JAKMIP3: variants seen among roughly 807,000 people sequenced by gnomAD.
JAKMIP3 encodes the protein Janus kinase and microtubule interacting protein 3, also known as janus kinase and microtubule-interacting protein 3.
In JAKMIP3, 58 loss-of-function variants were observed where a neutral mutation model predicts 118.5. The observed-to-expected ratio is 0.49, with a 90% CI of 0.40 to 0.61. JAKMIP3 has a LOEUF of 0.61. JAKMIP3 is among the 20% of genes least tolerant of loss of function. JAKMIP3 has a pLI of 0.00. For missense variants in JAKMIP3, 950 were observed against 1,109.0 expected (o/e 0.86, Z 2.04); for synonymous variants, 486 against 451.2 (o/e 1.08, Z -0.98).
chr10:132,149,162 G>A (rs568307709), intron 14 of JAKMIP3, among the ~76,000 whole-genome samples: 5 of 152,236 alleles, frequency 3.3e-5, no homozygotes, highest in South Asian at 4.1e-4. Flanking sequence ...CCCAGGCCAC[G>A]TGGCCAGAGT....
chr10:132,036,752 G>A (rs2037510804), intron 1 of JAKMIP3, among the ~76,000 whole-genome samples: 1 of 151,112 alleles, frequency 6.6e-6, no homozygotes. Context: ...AGCAGCGGCC[G>A]GGGTGGGGCC....
rs1325845503 is a variant in JAKMIP3 at position 132,180,603 on chromosome 10, G to A, written c.*1104-1754G>A. On this transcript the variant is annotated intron_variant, in intron 23 of 23. Transcript: ENST00000684848. ...TGCGTGCGCGTGTGTGTGTGCGTGC[G>A]CGTGTGTGTGTGCGTGTGTGTGCGT... Among the ~76,000 whole-genome samples, 239 of 42,414 alleles carry A rather than the reference G, an allele frequency of 5.6e-3. 72 individuals are homozygous for A. The highest frequency in any genetic ancestry group is 7.9e-3 in the Non-Finnish European group (184 of 23,212). 27.8% of individuals were successfully genotyped at this position (42,414 alleles called of 152,430 possible).
intron 14 of JAKMIP3, among the ~76,000 whole-genome samples, chr10:132,148,622 A>G (rs2136103767): frequency 6.6e-6 from 1 of 152,340 alleles, no homozygotes; most frequent in East Asian, 1.9e-4. Context: ...GAGTGAGGAC[A>G]GTGGGGGCCA....
chr10:132,048,477 C>T (rs2037996115), intron 1 of JAKMIP3, among the ~76,000 whole-genome samples: 1 of 152,144 alleles, frequency 6.6e-6, no homozygotes, highest in African/African-American at 2.4e-5. Flanking sequence ...ATTCCATGGG[C>T]TAAAATCCGG....
At chr10:132,138,069 C>T (rs373811338) in intron 8 of JAKMIP3, 50 bp from the exon 9 acceptor site, 32 of 1,539,606 alleles carry the variant, frequency 2.1e-5, no homozygotes, top group African/African-American at 5.4e-5. Flanking sequence ...GGACTGAAAC[C>T]GGTGGAGCTG....
At chr10:132,109,016 T>TACATATACAC (rs71013508) in intron 2 of JAKMIP3, among the ~76,000 whole-genome samples, 25 of 148,768 alleles carry the variant, frequency 1.7e-4, no homozygotes, top group African/African-American at 5.2e-4. Context: ...AATGTATATA[T>TACATATACAC]GTATACAAAT....
intron 23 of JAKMIP3, among the ~76,000 whole-genome samples, chr10:132,177,891 G>A (rs1248190112): frequency 1.3e-5 from 2 of 148,654 alleles, no homozygotes; most frequent in African/African-American, 2.5e-5. Context: ...CCTGGGTAGT[G>A]CGTGTGTGTG....
At chr10:132,101,491 C>T (rs987369414) in intron 1 of JAKMIP3, among the ~76,000 whole-genome samples, 3 of 152,216 alleles carry the variant, frequency 2.0e-5, no homozygotes, top group African/African-American at 7.2e-5. Flanking sequence ...AACAGATTCT[C>T]TTTCAAAAAA....
rs759673925 is a variant in JAKMIP3, at chr10:132,104,862, C to T, written c.54C>T (p.Leu18=). 7 of 1,559,616 alleles carry T rather than the reference C, an allele frequency of 4.5e-6. No homozygotes were observed. The highest frequency in any genetic ancestry group is 1.7e-4 in the Middle Eastern group (1 of 5,984). The change falls in exon 2 of 24, where the codon CTC becomes CTT. Residue 18 remains leucine (L), a synonymous_variant. Coordinates refer to ENST00000684848, the MANE Select transcript of JAKMIP3 (RefSeq NM_001323087.2). ...SRAKGDKAEA[L]AALQAANEDL... is the part of the protein sequence containing the mutation. Reference sequence around the variant, plus strand: ...CCAAGGGGGACAAGGCAGAGGCCCTCGCGGCGCTGCAGGCGGCCAACGAGG... The same window carrying T: ...CCAAGGGGGACAAGGCAGAGGCCCTTGCGGCGCTGCAGGCGGCCAACGAGG...
intron 17 of JAKMIP3, 88 bp downstream of exon 17, chr10:132,153,111 G>A: frequency 8.7e-7 from 1 of 1,144,520 alleles, no homozygotes; most frequent in South Asian, 1.3e-5. Context: ...ATCTCGGGAG[G>A]AGGGCCTGCA....
chr10:132,085,890 G>A (rs1335191525), intron 1 of JAKMIP3, among the ~76,000 whole-genome samples: 1 of 151,914 alleles, frequency 6.6e-6, no homozygotes, highest in Non-Finnish European at 1.5e-5. Flanking sequence ...ACTGATCTTG[G>A]TTATTTCCTT....
At position 132,118,751 on chromosome 10, in the gene JAKMIP3, G is replaced by A. The variant is rs903522039; in HGVS notation, c.633+1177G>A. 3.3e-5 allele frequency among the ~76,000 whole-genome samples: 5 copies of A among 152,130 alleles called. No homozygotes were observed. Among genetic ancestry groups the A allele is most frequent in the African/African-American group, 9.7e-5 (4 of 41,424 alleles). ...GTTCCAACCTCCCCTACACCTCTTC[G>A]CCCTGTCCCAAGCCACATATCGATG... On this transcript the variant is annotated intron_variant, in intron 3 of 23. Transcript: ENST00000684848. The surrounding 1 kb of genome is among the most constrained non-coding windows in gnomAD (Gnocchi z 4.8).
intron 23 of JAKMIP3, among the ~76,000 whole-genome samples, chr10:132,171,622 C>T (rs2059489330): frequency 6.6e-6 from 1 of 151,794 alleles, no homozygotes. Flanking sequence ...AGCCTGCTTC[C>T]CCTGATGTCC....
At chr10:132,170,242 C>T (rs1590027627) in intron 23 of JAKMIP3, 2 of 152,276 alleles carry the variant, frequency 1.3e-5, no homozygotes, top group African/African-American at 2.4e-5. Context: ...GCAAGGACAG[C>T]GCAGCCAGAG....
intron 23 of JAKMIP3, among the ~76,000 whole-genome samples, chr10:132,173,012 T>C (rs1028644192): frequency 2.7e-4 from 5 of 18,548 alleles, no homozygotes; most frequent in East Asian, 3.5e-3. Flanking sequence ...TCTCTCTCTC[T>C]CTCCCTCTCT....
In JAKMIP3 at chr10:132,167,052, C is replaced by G; in HGVS notation, c.*19C>G. 6.5e-7 allele frequency: 1 copy of G among 1,546,998 alleles called. No homozygotes were observed. The highest frequency in any genetic ancestry group is 8.7e-7 in the Non-Finnish European group (1 of 1,142,888). On this transcript the variant is annotated 3_prime_UTR_variant, in exon 22 of 24. Transcript: ENST00000684848. ...GTCATAGTCCGTCTTGGCACCCTGACGTGGTGAGTATTTCGTTGGCAGGGC... is the reference window on the plus strand; with the variant it reads ...GTCATAGTCCGTCTTGGCACCCTGAGGTGGTGAGTATTTCGTTGGCAGGGC...
intron 19 of JAKMIP3, among the ~76,000 whole-genome samples, chr10:132,159,568 G>C (rs1423974157): frequency 5.6e-4 from 42 of 74,910 alleles, no homozygotes; most frequent in South Asian, 1.6e-3. Flanking sequence ...TGCTGGGGGG[G>C]CGTGTCTCCC....
At chr10:132,141,672 T>C (rs2053542192) in intron 10 of JAKMIP3, among the ~76,000 whole-genome samples, 1 of 152,108 alleles carries the variant, frequency 6.6e-6, no homozygotes, top group Non-Finnish European at 1.5e-5. Flanking sequence ...TGCAGCCGAC[T>C]CAGCTCCCAC....
chr10:132,071,853 C>CCTTTGTTTCCTTT (rs2039946755), intron 1 of JAKMIP3, among the ~76,000 whole-genome samples: 1 of 114,938 alleles, frequency 8.7e-6, no homozygotes, highest in Admixed American at 9.3e-5. Context: ...TTCTTTCTTT[C>CCTTTGTTTCCTTT]CTTTCTTTCC....
Sources: gnomAD v4.1 joint callset for allele counts (sites outside exome capture counted in the v4.1 genomes callset) on GRCh38, gnomAD v4.1.1 for gene constraint, Gnocchi (gnomAD v3.1) non-coding constraint, MANE v1.5 for transcripts, NCBI Gene and HGNC (gene_info 2026-07-23, HGNC 2026-07-21) for gene names.